MSI2: variants seen among roughly 807,000 people sequenced by gnomAD.
MSI2 encodes RNA-binding protein Musashi homolog 2.
In MSI2, 17 loss-of-function variants were observed where a neutral mutation model predicts 45.6. The observed-to-expected ratio is 0.37, with a 90% confidence interval of 0.26 to 0.56. The LOEUF (loss-of-function observed/expected upper bound fraction) is 0.56, where lower values mean the gene tolerates loss of function less well. Among genes scored for constraint, MSI2 ranks in the 20% least tolerant of loss-of-function variants. The pLI is 0.77. For missense variants in MSI2, 293 were observed against 444.2 expected, an observed-to-expected ratio of 0.66 and a Z score of 3.06; for synonymous variants, 156 against 158.2, an observed-to-expected ratio of 0.99 and a Z score of 0.11.
intron 6 of MSI2, among the ~76,000 whole-genome samples, chr17:57,423,681 CCT>C (rs753093778): frequency 5.3e-5 from 8 of 152,138 alleles, no homozygotes; most frequent in Non-Finnish European, 8.8e-5. Context: ...GACTTCCCTC[CCT>C]CAGCACAGAT....
At chr17:57,431,808 G>A (rs1371357546) in intron 6 of MSI2, among the ~76,000 whole-genome samples, 2 of 152,198 alleles carry the variant, frequency 1.3e-5, no homozygotes, top group Non-Finnish European at 2.9e-5. Context: ...TGGGGAGGCT[G>A]GGAGGGACCC....
rs900443190 is a variant in MSI2, at chr17:57,680,214, G to A, written c.*697G>A. ...TTGTGATGTCTCTTTGTTAATCTGA[G>A]TCTATCTATTTTCGGCAATAAGGTA... On this transcript the variant is annotated 3_prime_UTR_variant, in exon 14 of 14. Transcript: ENST00000284073. The A allele has an allele frequency of 4.4e-6, 1 of 229,198 alleles. No individual in the cohort carries two copies. Among genetic ancestry groups the A allele is most frequent in the Non-Finnish European group, 8.7e-6 (1 of 115,576 alleles). 14.2% of individuals were successfully genotyped at this position (229,198 alleles called of 1,614,324 possible). A position where few individuals can be genotyped will look rare whatever the true frequency, so the allele number is the denominator to read the frequency against.
intron 6 of MSI2, among the ~76,000 whole-genome samples, chr17:57,521,210 C>G (rs2086577077): frequency 6.6e-6 from 1 of 152,132 alleles, no homozygotes; most frequent in South Asian, 2.1e-4. Context: ...GGCCAAGAAC[C>G]TGAGATGGGC....
At chr17:57,537,845 G>C (rs931569111) in intron 7 of MSI2, among the ~76,000 whole-genome samples, 5 of 152,328 alleles carry the variant, frequency 3.3e-5, no homozygotes, top group Non-Finnish European at 7.4e-5. Context: ...AAGCCAGGGG[G>C]AGTTTGGTAC....
chr17:57,340,726 T>C (rs1462113891), intron 5 of MSI2, among the ~76,000 whole-genome samples: 1 of 152,092 alleles, frequency 6.6e-6, no homozygotes, highest in Non-Finnish European at 1.5e-5. Flanking sequence ...GGGATAGAGA[T>C]TGGGTACTTG....
At position 57,547,789 on chromosome 17, in the gene MSI2, C is replaced by CACACACACACACACACACAT. The variant is rs1555621979; in HGVS notation, c.454+18065_454+18066insACACACACACACACACACAT. Among the ~76,000 whole-genome samples the CACACACACACACACACACAT allele has an allele frequency of 1.3e-4, 19 of 145,192 alleles. No homozygotes were observed. In the Middle Eastern group the frequency reaches 0.011, roughly 84 times the overall value. ...ACACACACACACACACACACACACA[C>CACACACACACACACACACAT]GTCTCTGGAGAATTAACATAACCTA... is the stretch of plus-strand genomic sequence containing the variant. On this transcript the variant is annotated intron_variant, in intron 7 of 13. Transcript: ENST00000284073.
intron 6 of MSI2, among the ~76,000 whole-genome samples, chr17:57,505,271 T>C (rs2086202582): frequency 6.6e-6 from 1 of 151,794 alleles, no homozygotes; most frequent in South Asian, 2.1e-4. Flanking sequence ...GGGAGAGAGC[T>C]CAGATGGCGA....
chr17:57,314,694 C>T (rs565776566), intron 5 of MSI2, among the ~76,000 whole-genome samples: 1 of 151,782 alleles, frequency 6.6e-6, no homozygotes, highest in African/African-American at 2.4e-5. Context: ...GCCTCAGCCT[C>T]CCGAATAGCT....
chr17:57,648,132 C>CAT (rs1555637234), intron 10 of MSI2, among the ~76,000 whole-genome samples: 1 of 116,182 alleles, frequency 8.6e-6, no homozygotes, highest in African/African-American at 3.3e-5. Flanking sequence ...CTGGCTAATT[C>CAT]GTGTGTGTGT....
intron 6 of MSI2, among the ~76,000 whole-genome samples, chr17:57,504,930 T>TAA (rs113984172): frequency 2.9e-4 from 39 of 136,520 alleles, no homozygotes; most frequent in African/African-American, 1.0e-3. Context: ...AAACTCCATT[T>TAA]AAAAAAAAAA....
intron 7 of MSI2, among the ~76,000 whole-genome samples, chr17:57,590,722 C>T (rs933253735): frequency 6.6e-6 from 1 of 152,098 alleles, no homozygotes; most frequent in African/African-American, 2.4e-5. Context: ...GTGTGGGGTG[C>T]AGTTAAGGTG....
chr17:57,606,054 A>C (rs1306538695), intron 8 of MSI2, among the ~76,000 whole-genome samples: 1 of 152,242 alleles, frequency 6.6e-6, no homozygotes, highest in East Asian at 1.9e-4. Flanking sequence ...CTCTTTGCAC[A>C]TCCTGCTGAT....
In MSI2 at chr17:57,262,137, A is replaced by AT. The variant is rs749230653; in HGVS notation, c.271-6dup. On this transcript the variant is annotated splice_polypyrimidine_tract_variant and intron_variant, in intron 4 of 13. Transcript: ENST00000284073. ...GTACTTTATTGACTCCTGCTTTTCT[A>AT]TTTTTTTTCCCAGATTGACCCCAAA... 21 of 1,612,206 alleles carry AT rather than the reference A, an allele frequency of 1.3e-5. No homozygotes were observed. Among genetic ancestry groups the AT allele is most frequent in the Admixed American group, 1.0e-4 (6 of 59,870 alleles).
intron 7 of MSI2, among the ~76,000 whole-genome samples, chr17:57,583,673 T>C (rs1352259825): frequency 1.3e-5 from 2 of 152,112 alleles, no homozygotes; most frequent in African/African-American, 4.8e-5. Context: ...GTGGTTTCAC[T>C]GTGTTCCCCA....
At chr17:57,629,034 C>T (rs1909094923) in intron 10 of MSI2, 1 of 152,334 alleles carries the variant, frequency 6.6e-6, no homozygotes, top group African/African-American at 2.4e-5. Flanking sequence ...TGCATTTGGA[C>T]CAGGCGGTCT....
chr17:57,522,417 GTTTCCTGC>G (rs1484947838), intron 6 of MSI2: 2 of 152,048 alleles, frequency 1.3e-5, no homozygotes, highest in Non-Finnish European at 2.9e-5. Context: ...CTGAAGTGCC[GTTTCCTGC>G]TTTGTTCTTG....
intron 4 of MSI2, among the ~76,000 whole-genome samples, chr17:57,258,942 A>G (rs1907066925): frequency 8.0e-6 from 1 of 125,270 alleles, no homozygotes; most frequent in Non-Finnish European, 1.5e-5. Flanking sequence ...GGGGGTTTCA[A>G]AGTGATTTTT....
chr17:57,426,422 G>A (rs986723702), intron 6 of MSI2, among the ~76,000 whole-genome samples: 1 of 152,096 alleles, frequency 6.6e-6, no homozygotes, highest in African/African-American at 2.4e-5. Context: ...TGCTGCTCTT[G>A]TGTGCGTCCT....
intron 9 of MSI2, chr17:57,626,999 G>C (rs1908866302): frequency 5.1e-6 from 3 of 593,708 alleles, no homozygotes; most frequent in African/African-American, 1.9e-5. Flanking sequence ...CATGGGCTTT[G>C]CGGGGTCTGG....
Sources: allele counts gnomAD v4.1 joint callset (sites outside exome capture counted in the v4.1 genomes callset), GRCh38; gene constraint gnomAD v4.1.1; transcripts MANE v1.5; gene names NCBI Gene and HGNC (gene_info 2026-07-23, HGNC 2026-07-21).